RIMBP2: variants seen among roughly 807,000 people sequenced by gnomAD.
The protein encoded by RIMBP2 is RIMS-binding protein 2.
A neutral mutation model predicts 118.6 loss-of-function variants in RIMBP2; 48 were observed. That is an observed-to-expected ratio of 0.40 (90% CI 0.32 to 0.51). The LOEUF is 0.51. RIMBP2 is among the 20% of genes least tolerant of loss of function. RIMBP2 has a pLI of 0.41. For missense variants in RIMBP2, 1,551 were observed against 1,768.3 expected (o/e 0.88, Z 2.20); for synonymous variants, 762 against 742.9 (o/e 1.03, Z -0.42).
At chr12:130,642,002 G>A (rs2062643665) in intron 1 of RIMBP2, among the ~76,000 whole-genome samples, 2 of 152,270 alleles carry the variant, frequency 1.3e-5, no homozygotes, top group South Asian at 4.1e-4. Flanking sequence ...GAGGTCAAAT[G>A]CTGTGTCTAA....
chr12:130,425,786 G>A (rs1027316596), intron 15 of RIMBP2: 6 of 152,318 alleles, frequency 3.9e-5, no homozygotes, highest in African/African-American at 7.2e-5. Context: ...CCTGGCCGTC[G>A]GCCCTCGGGA....
At chr12:130,685,838 A>G (rs577976282) in intron 1 of RIMBP2, among the ~76,000 whole-genome samples, 1 of 152,126 alleles carries the variant, frequency 6.6e-6, no homozygotes, top group Non-Finnish European at 1.5e-5. Context: ...GCCTTCTCAG[A>G]GATGAGCTGA....
At chr12:130,464,607 T>C (rs2080294097) in intron 6 of RIMBP2, among the ~76,000 whole-genome samples, 1 of 152,224 alleles carries the variant, frequency 6.6e-6, no homozygotes, top group African/African-American at 2.4e-5. Context: ...GGGGGAGTCA[T>C]GCATTGCTGC....
At chr12:130,444,430 A>G (rs1164438996) in intron 10 of RIMBP2, among the ~76,000 whole-genome samples, 1 of 152,226 alleles carries the variant, frequency 6.6e-6, no homozygotes, top group African/African-American at 2.4e-5. Context: ...GAAACCTGCT[A>G]GCTTAGCAAG....
At chr12:130,629,464 T>C (rs2061847708) in intron 1 of RIMBP2, among the ~76,000 whole-genome samples, 1 of 152,226 alleles carries the variant, frequency 6.6e-6, no homozygotes, top group African/African-American at 2.4e-5. Context: ...TTTAGAATTT[T>C]GTGCAAGCAA....
chr12:130,610,366 C>G (rs2060450824), intron 2 of RIMBP2, among the ~76,000 whole-genome samples: 1 of 152,198 alleles, frequency 6.6e-6, no homozygotes, highest in Non-Finnish European at 1.5e-5. Flanking sequence ...TCTACGCCAT[C>G]TGTGTGGCCC....
At chr12:130,592,644 G>C (rs952208287) in intron 2 of RIMBP2, among the ~76,000 whole-genome samples, 2 of 150,230 alleles carry the variant, frequency 1.3e-5, no homozygotes. Context: ...AGCTGAGATC[G>C]CGCCACTGCA....
chr12:130,586,168 T>C (rs759716990), intron 2 of RIMBP2, among the ~76,000 whole-genome samples: 2 of 152,196 alleles, frequency 1.3e-5, no homozygotes, highest in Admixed American at 1.3e-4. Context: ...TAAATTAAGA[T>C]GAAGAGGCCA....
chr12:130,470,378 C>T (rs2080901521), intron 6 of RIMBP2: 2 of 299,892 alleles, frequency 6.7e-6, no homozygotes, highest in African/African-American at 2.2e-5. Context: ...CACGCCCCCT[C>T]ACTTTCCACC....
chr12:130,712,925 CCTT>C (rs1445947797), intron 1 of RIMBP2, among the ~76,000 whole-genome samples: 1 of 151,954 alleles, frequency 6.6e-6, no homozygotes, highest in Non-Finnish European at 1.5e-5. Flanking sequence ...ATGGAAATGT[CCTT>C]CTTATGCAGG....
intron 14 of RIMBP2, chr12:130,429,883 G>A (rs754352621): frequency 5.9e-5 from 9 of 152,202 alleles, no homozygotes; most frequent in Admixed American, 3.9e-4. Context: ...GCACGAAAGC[G>A]AACTGGGTTT....
At chr12:130,409,639 G>A (rs905918024) in intron 19 of RIMBP2, among the ~76,000 whole-genome samples, 10 of 152,184 alleles carry the variant, frequency 6.6e-5, no homozygotes, top group East Asian at 1.9e-4. Flanking sequence ...CACTGCGCCC[G>A]GCCCAGAATG....
rs548106679 is a variant in RIMBP2, at chr12:130,664,041, A to G, written c.-351-35585T>C. On this transcript the variant is annotated intron_variant, in intron 1 of 22. Coordinates refer to ENST00000690449, the MANE Select transcript of RIMBP2 (RefSeq NM_001393629.1). ...ATTGTGGGTTTTTTTTAAAAAATCTATTGTTTTAATTGACAAAAAGAATTG... is the reference window on the plus strand; with the variant it reads ...ATTGTGGGTTTTTTTTAAAAAATCTGTTGTTTTAATTGACAAAAAGAATTG... 1.5e-3 allele frequency among the ~76,000 whole-genome samples: 220 copies of G among 151,536 alleles called. 9 individuals carry two copies. The highest frequency in any genetic ancestry group is 5.2e-3 in the African/African-American group (213 of 40,922).
chr12:130,624,008 A>G (rs145424404), intron 2 of RIMBP2, among the ~76,000 whole-genome samples: 1 of 152,294 alleles, frequency 6.6e-6, no homozygotes, highest in African/African-American at 2.4e-5. Context: ...TCACCTTCCC[A>G]TGAAACCACT....
intron 2 of RIMBP2, among the ~76,000 whole-genome samples, chr12:130,602,433 C>A (rs2059928510): frequency 6.6e-6 from 1 of 152,158 alleles, no homozygotes; most frequent in South Asian, 2.1e-4. Context: ...CCTTCAATGC[C>A]CTCCGCCCAT....
intron 2 of RIMBP2, among the ~76,000 whole-genome samples, chr12:130,603,882 C>T (rs2129664): frequency 3.3e-5 from 5 of 152,164 alleles, no homozygotes; most frequent in African/African-American, 4.8e-5. Context: ...CTATGTCACT[C>T]GCTTAGATAT....
intron 2 of RIMBP2, among the ~76,000 whole-genome samples, chr12:130,544,985 T>C (rs975241449): frequency 1.3e-5 from 2 of 152,222 alleles, no homozygotes; most frequent in Non-Finnish European, 2.9e-5. Flanking sequence ...GAACATATTC[T>C]GAAGGAAGTG....
At position 130,578,659 on chromosome 12, in the gene RIMBP2, C is replaced by T. The variant is rs561171812; in HGVS notation, c.-217+49663G>A. On this transcript the variant is annotated intron_variant, in intron 2 of 22. Coordinates refer to ENST00000690449, the MANE Select transcript of RIMBP2 (RefSeq NM_001393629.1). The surrounding 1 kb of genome is among the most constrained non-coding windows in gnomAD (Gnocchi z 4.1). ...TCATTCCTTGACATTCAGCTCTCAG[C>T]GCAAATGCCCCCTTCTCAGAGACTT... Among the ~76,000 whole-genome samples the T allele has an allele frequency of 3.9e-5, 6 of 152,308 alleles. No individual in the cohort carries two copies. The highest frequency in any genetic ancestry group is 1.9e-4 in the East Asian group (1 of 5,176).
At position 130,450,380 on chromosome 12, in the gene RIMBP2, G is replaced by A. The variant is rs1244450731; in HGVS notation, c.505-104C>T. On this transcript the variant is annotated intron_variant, in intron 8 of 22. Transcript: ENST00000690449. The surrounding 1 kb of genome is among the most constrained non-coding windows in gnomAD (Gnocchi z 4.8). ...CCTCGCAGCTTCCTGGGCCCCAGGA[G>A]GGACGGCCTGAGACTGTGGCACTCC... 4 of 821,330 alleles carry A rather than the reference G, an allele frequency of 4.9e-6. No homozygotes were observed. Among genetic ancestry groups the A allele is most frequent in the South Asian group, 3.0e-5 (2 of 67,700 alleles). 50.9% of individuals were successfully genotyped at this position (821,330 alleles called of 1,614,324 possible).
Sources: allele counts gnomAD v4.1 joint callset (sites outside exome capture counted in the v4.1 genomes callset), GRCh38; gene constraint gnomAD v4.1.1; non-coding constraint Gnocchi (gnomAD v3.1); transcripts MANE v1.5; gene names NCBI Gene and HGNC (gene_info 2026-07-23, HGNC 2026-07-21).